ANKRD11: variants seen among roughly 807,000 people sequenced by gnomAD.
The protein encoded by ANKRD11 is ankyrin repeat domain-containing protein 11.
A neutral mutation model predicts 195.7 loss-of-function variants in ANKRD11; 17 were observed. The ratio of observed to expected loss-of-function variants is 0.09; its 90% confidence interval spans 0.06 to 0.13. The LOEUF is 0.13. ANKRD11 is among the 10% of genes least tolerant of loss of function. The pLI is 1.00. For missense variants in ANKRD11, 3,735 were observed against 3,566.1 expected (o/e 1.05, Z -1.21); for synonymous variants, 1,953 against 1,528.1 (o/e 1.28, Z -6.49).
intron 2 of ANKRD11, among the ~76,000 whole-genome samples, chr16:89,325,469 TCACA>T (rs59319003): frequency 2.7e-4 from 40 of 147,730 alleles, no homozygotes; most frequent in African/African-American, 7.2e-4. Context: ...TCTCTCTCTC[TCACA>T]CACACACACA....
At chr16:89,452,779 C>CAAAAAAAAAAAAAAAAAAAAAA in intron 1 of ANKRD11, among the ~76,000 whole-genome samples, 1 of 73,514 alleles carries the variant, frequency 1.4e-5, no homozygotes, top group Non-Finnish European at 2.5e-5. Flanking sequence ...GACTCTATCT[C>CAAAAAAAAAAAAAAAAAAAAAA]AAAAAAAAAA....
chr16:89,406,338 G>A (rs2041905293), intron 2 of ANKRD11, among the ~76,000 whole-genome samples: 1 of 152,124 alleles, frequency 6.6e-6, no homozygotes, highest in South Asian at 2.1e-4. Context: ...GTCACGGCGG[G>A]CACGGGAAAC....
intron 1 of ANKRD11, among the ~76,000 whole-genome samples, chr16:89,423,796 C>T (rs977077615): frequency 2.0e-5 from 3 of 152,196 alleles, no homozygotes; most frequent in Non-Finnish European, 4.4e-5. Context: ...GATAAATCTA[C>T]GCAATGGCAG....
chr16:89,393,379 A>G (rs575854968), intron 2 of ANKRD11, among the ~76,000 whole-genome samples: 8 of 150,438 alleles, frequency 5.3e-5, no homozygotes, highest in Admixed American at 3.3e-4. Context: ...GGTGGAGTAC[A>G]GTGGCGCAAT....
chr16:89,413,876 G>C (rs1344118578), intron 2 of ANKRD11, among the ~76,000 whole-genome samples: 2 of 152,124 alleles, frequency 1.3e-5, no homozygotes, highest in Admixed American at 1.3e-4. Flanking sequence ...GGCCAGACTG[G>C]GGGGAGGCAG....
chr16:89,303,296 C>T (rs1174286532), intron 4 of ANKRD11, among the ~76,000 whole-genome samples: 1 of 152,200 alleles, frequency 6.6e-6, no homozygotes, highest in African/African-American at 2.4e-5. Flanking sequence ...CCTTCTACAA[C>T]CAAAACCAGC....
intron 2 of ANKRD11, among the ~76,000 whole-genome samples, chr16:89,409,044 T>C (rs1175602198): frequency 6.6e-6 from 1 of 152,166 alleles, no homozygotes; most frequent in African/African-American, 2.4e-5. Flanking sequence ...CAGCAGAGAA[T>C]TCAGAAAAGC....
At chr16:89,411,893 C>A (rs1426349852) in intron 2 of ANKRD11, among the ~76,000 whole-genome samples, 4 of 151,606 alleles carry the variant, frequency 2.6e-5, no homozygotes, top group African/African-American at 9.7e-5. Flanking sequence ...TGGCCATGTT[C>A]CATCCCTCCC....
intron 7 of ANKRD11, chr16:89,286,903 AGAATCT>A: frequency 7.8e-7 from 1 of 1,289,448 alleles, no homozygotes; most frequent in Non-Finnish European, 1.0e-6. Flanking sequence ...GCGCATTCAA[AGAATCT>A]GTCATAACGT....
intron 4 of ANKRD11, chr16:89,298,870 C>G (rs2035627439): frequency 6.6e-6 from 1 of 152,246 alleles, no homozygotes; most frequent in African/African-American, 2.4e-5. Flanking sequence ...ACGCGGAGTT[C>G]TTAATCATGT....
At chr16:89,402,109 T>G (rs1041033897) in intron 2 of ANKRD11, among the ~76,000 whole-genome samples, 3 of 152,154 alleles carry the variant, frequency 2.0e-5, no homozygotes, top group African/African-American at 7.2e-5. Flanking sequence ...ATGGACCTCT[T>G]TAATGGAAAT....
At chr16:89,297,460 A>C (rs979065702) in intron 4 of ANKRD11, 1 of 152,054 alleles carries the variant, frequency 6.6e-6, no homozygotes, top group Non-Finnish European at 1.5e-5. Flanking sequence ...TTGACTAAAA[A>C]CCATGCTGTC....
chr16:89,440,925 A>G (rs562218610), intron 1 of ANKRD11, among the ~76,000 whole-genome samples: 2 of 152,320 alleles, frequency 1.3e-5, no homozygotes, highest in Admixed American at 6.5e-5. Context: ...GAGAGAGCGC[A>G]TCGTGGTTTA....
intron 2 of ANKRD11, among the ~76,000 whole-genome samples, chr16:89,379,437 T>A (rs536670187): frequency 6.6e-6 from 1 of 152,346 alleles, no homozygotes; most frequent in South Asian, 2.1e-4. Flanking sequence ...CTCCACACCC[T>A]GTCAGGGCAT....
intron 2 of ANKRD11, among the ~76,000 whole-genome samples, chr16:89,365,493 C>T (rs2039906019): frequency 6.6e-6 from 1 of 152,200 alleles, no homozygotes; most frequent in South Asian, 2.1e-4. Flanking sequence ...TGCAGCCTTA[C>T]CGTGCTGCTG....
Position 89,473,745 on chromosome 16 carries a change from C to T in ANKRD11, c.-145+16500G>A, listed in dbSNP as rs540049664. Among the ~76,000 whole-genome samples the T allele has an allele frequency of 1.5e-3, 226 of 152,272 alleles. 1 individual carries two copies. The highest frequency in any genetic ancestry group is 5.1e-3 in the African/African-American group (212 of 41,558). On this transcript the variant is annotated intron_variant, in intron 1 of 12. Transcript: ENST00000301030. ...GAACACCCCAGGCCAGCAGACAGAC[C>T]CTAGGTGAGCCTGGCAATCTCCCCA...
intron 2 of ANKRD11, chr16:89,324,840 C>CT: frequency 3.5e-6 from 1 of 286,818 alleles, no homozygotes; most frequent in South Asian, 3.1e-5. Flanking sequence ...GGCTCCTCAG[C>CT]TTGCCAACAG....
rs114150284 is a variant in ANKRD11 at position 89,352,071 on chromosome 16, G to A, written c.-59-34993C>T. Among the ~76,000 whole-genome samples the A allele has an allele frequency of 1.8e-3, 271 of 152,264 alleles. 2 individuals are homozygous for A. The highest frequency in any genetic ancestry group is 5.8e-3 in the African/African-American group (240 of 41,534). On this transcript the variant is annotated intron_variant, in intron 2 of 12. Transcript: ENST00000301030. ...AAGCCACCAGGCCCAGGTAATTTGTGTAGAGGCGGGGGTTTCAACATGTTG... is the reference window on the plus strand; with the variant it reads ...AAGCCACCAGGCCCAGGTAATTTGTATAGAGGCGGGGGTTTCAACATGTTG...
At chr16:89,437,058 A>G (rs1029229370) in intron 1 of ANKRD11, among the ~76,000 whole-genome samples, 1 of 152,236 alleles carries the variant, frequency 6.6e-6, no homozygotes, top group African/African-American at 2.4e-5. Flanking sequence ...ACGAGGAAGG[A>G]GATGTCACAG....
Sources: gnomAD v4.1 joint callset for allele counts (sites outside exome capture counted in the v4.1 genomes callset) on GRCh38, gnomAD v4.1.1 for gene constraint, MANE v1.5 for transcripts, NCBI Gene and HGNC (gene_info 2026-07-23, HGNC 2026-07-21) for gene names.